The following KCND2 variants were observed in gnomAD, a reference collection of about 807,000 sequenced individuals.
KCND2 encodes A-type voltage-gated potassium channel KCND2.
In KCND2, 16 loss-of-function variants were observed where a neutral mutation model predicts 54.4. That is an observed-to-expected ratio of 0.29 (90% CI 0.20 to 0.45). The LOEUF (loss-of-function observed/expected upper bound fraction) is 0.45, where lower values mean the gene tolerates loss of function less well. Ranked by LOEUF, KCND2 falls within the 20% of genes least tolerant of loss-of-function variation. KCND2 has a pLI of 1.00. For missense variants in KCND2, 486 were observed against 824.2 expected (o/e 0.59, Z 5.02); for synonymous variants, 317 against 310.7 (o/e 1.02, Z -0.21).
At position 120,672,026 on chromosome 7, in the gene KCND2, A is replaced by G. The variant is rs531049463; in HGVS notation, c.1116-60877A>G. ...TTCCTGTCTTCAAAGAGCAGTCTTT[A>G]TCTCCTTCAAAGCCTGTCCTCACCT... On this transcript the variant is annotated intron_variant, in intron 1 of 5. Transcript: ENST00000331113. Among the ~76,000 whole-genome samples, 5 of 152,158 alleles carry G rather than the reference A, an allele frequency of 3.3e-5. No homozygotes were observed. The South Asian group carries it at 1.0e-3, about 32-fold the overall frequency.
intron 1 of KCND2, among the ~76,000 whole-genome samples, chr7:120,439,814 C>T (rs970317653): frequency 6.6e-6 from 1 of 152,038 alleles, no homozygotes; most frequent in Non-Finnish European, 1.5e-5. Context: ...AGGCTCATCC[C>T]TGTTGCTGTG....
chr7:120,595,493 A>ATG (rs1792729572), intron 1 of KCND2, among the ~76,000 whole-genome samples: 2 of 144,546 alleles, frequency 1.4e-5, no homozygotes, highest in South Asian at 2.2e-4. Flanking sequence ...GTATATATAT[A>ATG]TATATGTGTG....
chr7:120,528,969 G>A (rs1009586274), intron 1 of KCND2, among the ~76,000 whole-genome samples: 7 of 152,140 alleles, frequency 4.6e-5, no homozygotes, highest in Non-Finnish European at 7.4e-5. Flanking sequence ...TTAAAAGCTG[G>A]AAAAGTATAT....
chr7:120,619,049 C>A (rs1793065184), intron 1 of KCND2, among the ~76,000 whole-genome samples: 2 of 152,266 alleles, frequency 1.3e-5, no homozygotes, highest in South Asian at 2.1e-4. Context: ...TACTTTCTCT[C>A]CCAAGGAATG....
chr7:120,326,050 A>T (rs1172035672), intron 1 of KCND2, among the ~76,000 whole-genome samples: 1 of 152,162 alleles, frequency 6.6e-6, no homozygotes, highest in Non-Finnish European at 1.5e-5. Flanking sequence ...AACATTTATA[A>T]ATGAAAGTAT....
intron 1 of KCND2, among the ~76,000 whole-genome samples, chr7:120,317,482 G>T (rs562171545): frequency 6.6e-6 from 1 of 151,800 alleles, no homozygotes; most frequent in Admixed American, 6.6e-5. Flanking sequence ...TCCAAAAAAG[G>T]AATGCATTTT....
chr7:120,746,419 T>C (rs1793008127), intron 5 of KCND2, among the ~76,000 whole-genome samples: 1 of 152,130 alleles, frequency 6.6e-6, no homozygotes, highest in African/African-American at 2.4e-5. Flanking sequence ...GGCTAAAAAT[T>C]ATTGAACAGC....
At chr7:120,304,971 T>C (rs1043839109) in intron 1 of KCND2, among the ~76,000 whole-genome samples, 1 of 152,182 alleles carries the variant, frequency 6.6e-6, no homozygotes, top group Admixed American at 6.6e-5. Context: ...AATATTATTG[T>C]CCTTGGAGAC....
At chr7:120,541,519 A>T (rs1222151110) in intron 1 of KCND2, among the ~76,000 whole-genome samples, 1 of 152,126 alleles carries the variant, frequency 6.6e-6, no homozygotes, top group African/African-American at 2.4e-5. Flanking sequence ...AAGACCAGAG[A>T]GTTTACAAGT....
chr7:120,399,562 C>T (rs1801212739), intron 1 of KCND2, among the ~76,000 whole-genome samples: 1 of 151,886 alleles, frequency 6.6e-6, no homozygotes, highest in African/African-American at 2.4e-5. Flanking sequence ...CCAAAAACTC[C>T]ACTTAAACAT....
At chr7:120,668,451 A>G (rs1332556845) in intron 1 of KCND2, among the ~76,000 whole-genome samples, 2 of 152,072 alleles carry the variant, frequency 1.3e-5, no homozygotes, top group Non-Finnish European at 2.9e-5. Context: ...TAAAATAATT[A>G]TCCCTGCATT....
intron 1 of KCND2, among the ~76,000 whole-genome samples, chr7:120,641,980 G>A (rs1793382574): frequency 6.6e-6 from 1 of 152,004 alleles, no homozygotes; most frequent in South Asian, 2.1e-4. Flanking sequence ...TCTTATGGTT[G>A]TTAGGATTTT....
chr7:120,636,729 T>G (rs1188173081), intron 1 of KCND2, among the ~76,000 whole-genome samples: 3 of 152,054 alleles, frequency 2.0e-5, no homozygotes, highest in Non-Finnish European at 4.4e-5. Context: ...TCTGTAAAGA[T>G]CTGTGAAATA....
At chr7:120,422,680 C>T (rs1306481472) in intron 1 of KCND2, among the ~76,000 whole-genome samples, 1 of 152,190 alleles carries the variant, frequency 6.6e-6, no homozygotes, top group Non-Finnish European at 1.5e-5. Context: ...GTCTGCCCTC[C>T]ACCTCGCTCT....
chr7:120,379,084 C>A (rs1482653243), intron 1 of KCND2, among the ~76,000 whole-genome samples: 1 of 151,986 alleles, frequency 6.6e-6, no homozygotes, highest in Non-Finnish European at 1.5e-5. Context: ...AAGTTTTCTT[C>A]AAAGTTAACT....
At chr7:120,450,402 C>T (rs545949901) in intron 1 of KCND2, among the ~76,000 whole-genome samples, 20 of 151,810 alleles carry the variant, frequency 1.3e-4, no homozygotes, top group South Asian at 1.0e-3. Context: ...AGTGAGACTC[C>T]GTCTAAAAAA....
At chr7:120,401,301 T>A (rs550462370) in intron 1 of KCND2, among the ~76,000 whole-genome samples, 1 of 152,264 alleles carries the variant, frequency 6.6e-6, no homozygotes, top group South Asian at 2.1e-4. Flanking sequence ...TTTTTTCAGT[T>A]CCTATTTTAA....
At chr7:120,319,325 A>G (rs1354193889) in intron 1 of KCND2, among the ~76,000 whole-genome samples, 1 of 152,116 alleles carries the variant, frequency 6.6e-6, no homozygotes, top group African/African-American at 2.4e-5. Context: ...ATAGACAAGT[A>G]GAAAAAATTA....
In KCND2 at chr7:120,643,007, T is replaced by C. The variant is rs543250408; in HGVS notation, c.1116-89896T>C. The stretch of plus-strand genomic sequence containing the variant: ...ATACTCCAGCTCCCACAGTGTATTA[T>C]TCCATTGGATTTGTCACAAACATCC... On this transcript the variant is annotated intron_variant, in intron 1 of 5. Transcript: ENST00000331113. 4.6e-5 allele frequency among the ~76,000 whole-genome samples: 7 copies of C among 152,368 alleles called. No individual in the cohort carries two copies. In the South Asian group the frequency reaches 1.4e-3, roughly 32 times the overall value.
Sources: gnomAD v4.1 joint callset for allele counts (sites outside exome capture counted in the v4.1 genomes callset) on GRCh38, gnomAD v4.1.1 for gene constraint, MANE v1.5 for transcripts, NCBI Gene and HGNC (gene_info 2026-07-23, HGNC 2026-07-21) for gene names.